SLC22A25: variants seen among roughly 807,000 people sequenced by gnomAD.
SLC22A25 encodes solute carrier family 22 member 25, also known as MGI:2442751, MGI:2385316, MGI:3042283, MGI:3645714, MGI:3605624, MGI:2442750.
In SLC22A25, 44 loss-of-function variants were observed where a neutral mutation model predicts 45.9. The ratio of observed to expected loss-of-function variants is 0.96; its 90% CI spans 0.75 to 1.23. The LOEUF (loss-of-function observed/expected upper bound fraction) is 1.23, where lower values mean the gene tolerates loss of function less well. Among genes scored for constraint, SLC22A25 ranks in the 50% most tolerant of loss-of-function variants. SLC22A25 has a pLI of 0.00. For synonymous variants in SLC22A25, 283 were observed against 238.6 expected, an observed-to-expected ratio of 1.19 and a Z score of -1.72; for missense variants, 800 against 666.4, an observed-to-expected ratio of 1.20 and a Z score of -2.21.
chr11:63,189,036 G>A (rs1044489821), intron 7 of SLC22A25, among the ~76,000 whole-genome samples: 2 of 152,174 alleles, frequency 1.3e-5, no homozygotes, highest in Non-Finnish European at 2.9e-5. Context: ...ATTTGGGGTG[G>A]AGAGTTCTGT....
intron 9 of SLC22A25, among the ~76,000 whole-genome samples, chr11:63,177,378 G>C (rs1021506872): frequency 1.6e-5 from 2 of 122,914 alleles, no homozygotes; most frequent in Non-Finnish European, 1.8e-5. Flanking sequence ...GTGTGTGTGT[G>C]TGTGTGTCGA....
chr11:63,166,605 C>A, intron 9 of SLC22A25: 2 of 1,027,578 alleles, frequency 1.9e-6, no homozygotes, highest in Non-Finnish European at 2.3e-6. Flanking sequence ...TGAAAATATA[C>A]AATTAAAAAT....
intron 3 of SLC22A25, among the ~76,000 whole-genome samples, chr11:63,235,455 C>T (rs1455867630): frequency 6.6e-6 from 1 of 152,212 alleles, no homozygotes; most frequent in Non-Finnish European, 1.5e-5. Flanking sequence ...GAGACTTGTG[C>T]ATTTGTCACG....
chr11:63,175,634 C>T (rs527993325), intron 9 of SLC22A25, among the ~76,000 whole-genome samples: 7 of 151,852 alleles, frequency 4.6e-5, no homozygotes, highest in Admixed American at 1.3e-4. Flanking sequence ...TTCCTTTCAT[C>T]GTTTGTGCTT....
intron 7 of SLC22A25, among the ~76,000 whole-genome samples, chr11:63,195,342 A>G (rs1015342640): frequency 2.0e-5 from 3 of 152,116 alleles, no homozygotes; most frequent in Non-Finnish European, 4.4e-5. Context: ...AAAATTGACC[A>G]CAAAGTTGGA....
chr11:63,183,844 A>T (rs772612954), intron 7 of SLC22A25, 27 bp from the exon 8 acceptor site: 1 of 1,612,096 alleles, frequency 6.2e-7, no homozygotes, highest in South Asian at 1.1e-5. Flanking sequence ...ACAGAGGTGC[A>T]GCCAACCACT....
chr11:63,229,686 A>C lies in SLC22A25; in HGVS notation c.-34T>G. On this transcript the variant is annotated 5_prime_UTR_variant, in exon 4 of 12. Transcript: ENST00000306494. Reference sequence around the variant, plus strand: ...GACAAGTGATCCCCAAGAGGAGACAAAATGACTGTATCCAGATAAGTTCAA... The same window carrying C: ...GACAAGTGATCCCCAAGAGGAGACACAATGACTGTATCCAGATAAGTTCAA... The C allele has an allele frequency of 1.1e-5, 17 of 1,577,910 alleles. No homozygotes were observed. Among genetic ancestry groups the C allele is most frequent in the Non-Finnish European group, 1.5e-5 (17 of 1,155,244 alleles).
intron 8 of SLC22A25, among the ~76,000 whole-genome samples, chr11:63,182,103 A>G (rs2088347943): frequency 6.6e-6 from 1 of 152,068 alleles, no homozygotes; most frequent in African/African-American, 2.4e-5. Flanking sequence ...AACAGGAATA[A>G]GACCACACAC....
chr11:63,210,084 A>C (rs1407684751), intron 7 of SLC22A25, among the ~76,000 whole-genome samples: 2 of 152,232 alleles, frequency 1.3e-5, no homozygotes, highest in Non-Finnish European at 2.9e-5. Flanking sequence ...ATTCTATGAA[A>C]GGCTTTGCGA....
rs1437621376 is a variant in SLC22A25 at position 63,163,067 on chromosome 11, G to T, written c.*757C>A. On this transcript the variant is annotated 3_prime_UTR_variant, in exon 12 of 12. Transcript: ENST00000306494. Reference sequence around the variant, plus strand: ...ATTCTTTAGGACATACTGATTCTTTGCCCACTAGCTTTAATAAAAAACATG... The same window carrying T: ...ATTCTTTAGGACATACTGATTCTTTTCCCACTAGCTTTAATAAAAAACATG... 1.3e-5 allele frequency among the ~76,000 whole-genome samples: 2 copies of T among 152,074 alleles called. No individual in the cohort carries two copies. The highest frequency in any genetic ancestry group is 2.9e-5 in the Non-Finnish European group (2 of 68,010).
At chr11:63,165,902 T>C (rs2087662828) in intron 10 of SLC22A25, 142 bp downstream of exon 10, 6 of 1,085,272 alleles carry the variant, frequency 5.5e-6, no homozygotes, top group Non-Finnish European at 7.8e-6. Context: ...GCAAAATCTG[T>C]CCTAAAGCCC....
chr11:63,194,629 T>G (rs1361320783), intron 7 of SLC22A25, among the ~76,000 whole-genome samples: 1 of 151,894 alleles, frequency 6.6e-6, no homozygotes, highest in East Asian at 1.9e-4. Context: ...GTAAAGACCA[T>G]CGATGCTAGG....
At chr11:63,194,613 C>T (rs899245539) in intron 7 of SLC22A25, among the ~76,000 whole-genome samples, 1 of 151,964 alleles carries the variant, frequency 6.6e-6, no homozygotes, top group African/African-American at 2.4e-5. Context: ...CAGAAACATG[C>T]CAAATGTAAA....
chr11:63,166,178 A>G lies in SLC22A25; in HGVS notation c.1151T>C (p.Leu384Pro). Residue 384 changes from leucine (L) to proline (P), a missense_variant, in exon 10 of 12, where the codon CTC becomes CCC. Coordinates refer to ENST00000306494, the MANE Select transcript of SLC22A25 (RefSeq NM_199352.6). ...LGNNVFLLQT[L>P]FGAVTLLANC... ...GGCCAGGAGGGTGACTGCACCAAAG[A>G]GAGTCTGCAACAGGAAAACATTGTT... The G allele has an allele frequency of 1.2e-6, 2 of 1,614,028 alleles. No homozygotes were observed. Among genetic ancestry groups the G allele is most frequent in the Non-Finnish European group, 1.7e-6 (2 of 1,179,940 alleles).
intron 7 of SLC22A25, among the ~76,000 whole-genome samples, chr11:63,201,099 TGCTATTCCTATTCA>T (rs796279363): frequency 2.6e-5 from 4 of 152,310 alleles, no homozygotes; most frequent in African/African-American, 9.6e-5. Context: ...ATAGATTCAA[TGCTATTCCTATTCA>T]GCTACCACTG....
chr11:63,243,113 C>T lies in SLC22A25; in HGVS notation c.-996+321G>A, dbSNP rs527463315. The T allele has an allele frequency of 1.4e-4, 23 of 169,212 alleles. No homozygotes were observed. In the South Asian group the frequency reaches 2.5e-3, roughly 18 times the overall value. The allele number at this position is 169,212 out of a possible 1,614,324, so 10.5% of individuals were successfully genotyped here. A position where few individuals can be genotyped will look rare whatever the true frequency, so the allele number is the denominator to read the frequency against. ...CAGCTGCTGGGCTGTGAGGTAGACCCGGTCCTCAGAGCCACGAGGGACTGC... is the reference window on the plus strand; with the variant it reads ...CAGCTGCTGGGCTGTGAGGTAGACCTGGTCCTCAGAGCCACGAGGGACTGC... On this transcript the variant is annotated intron_variant, in intron 1 of 11. Coordinates refer to ENST00000306494, the MANE Select transcript of SLC22A25 (RefSeq NM_199352.6).
At chr11:63,172,318 T>C (rs551479321) in intron 9 of SLC22A25, among the ~76,000 whole-genome samples, 16 of 152,198 alleles carry the variant, frequency 1.1e-4, no homozygotes, top group Non-Finnish European at 1.8e-4. Flanking sequence ...ACTAAAGAGC[T>C]TCTGCACAGC....
chr11:63,195,848 A>C (rs1233230619), intron 7 of SLC22A25, among the ~76,000 whole-genome samples: 1 of 152,190 alleles, frequency 6.6e-6, no homozygotes, highest in Non-Finnish European at 1.5e-5. Context: ...AAATAGATAG[A>C]CCACTAGCAG....
intron 7 of SLC22A25, among the ~76,000 whole-genome samples, chr11:63,202,845 C>T (rs1035267583): frequency 3.9e-5 from 6 of 152,194 alleles, no homozygotes; most frequent in East Asian, 1.9e-4. Flanking sequence ...TCCCTGACCC[C>T]GGTGCCTTCT....
Sources: allele counts gnomAD v4.1 joint callset (sites outside exome capture counted in the v4.1 genomes callset), GRCh38; gene constraint gnomAD v4.1.1; transcripts MANE v1.5; gene names NCBI Gene and HGNC (gene_info 2026-07-23, HGNC 2026-07-21).